Variants in MKI67 observed in about 807,000 individuals in gnomAD.
MKI67 encodes proliferation marker protein Ki-67.
MKI67 carries 152 observed loss-of-function variants against 233.5 expected under a neutral mutation model. The ratio of observed to expected loss-of-function variants is 0.65; its 90% CI spans 0.57 to 0.74. The LOEUF is 0.74. Ranked by LOEUF, MKI67 falls within the 30% of genes least tolerant of loss-of-function variation. The pLI, the probability that MKI67 is intolerant of heterozygous loss-of-function variation, is 0.00. For synonymous variants in MKI67, 1,465 were observed against 1,418.5 expected, an observed-to-expected ratio of 1.03 and a Z score of -0.74; for missense variants, 3,940 against 3,885.2, an observed-to-expected ratio of 1.01 and a Z score of -0.37.
chr10:128,110,486 T>C lies in MKI67; in HGVS notation c.2308A>G (p.Thr770Ala), dbSNP rs770139551. ...KTPVKEQPQL[T>A]STCHIAISNS... Reference sequence around the variant, plus strand: ...GAAATAGCGATGTGACATGTGCTTGTCAACTGCGGTTGCTCCTTCACTGGG... The same window carrying C: ...GAAATAGCGATGTGACATGTGCTTGCCAACTGCGGTTGCTCCTTCACTGGG... The change falls in exon 12 of 15, where the codon ACA (threonine) becomes GCA (alanine). Residue 770 changes from threonine to alanine, a missense_variant. By Grantham distance (58) the Thr-to-Ala change is moderately conservative. Transcript: ENST00000368654. The C allele has an allele frequency of 2.0e-5, 32 of 1,577,188 alleles. No individual in the cohort carries two copies. The highest frequency in any genetic ancestry group is 2.7e-5 in the Non-Finnish European group (31 of 1,151,472).
Position 128,125,873 on chromosome 10 carries a change from G to A in MKI67, c.-89-117C>T. Reference sequence around the variant, plus strand: ...CGCAGCTAGCTAGCGGGGACCCCAGGACGATCCGACCGCAGCCCCCGGCGC... The same window carrying A: ...CGCAGCTAGCTAGCGGGGACCCCAGAACGATCCGACCGCAGCCCCCGGCGC... On this transcript the variant is annotated intron_variant, in intron 1 of 14. Transcript: ENST00000368654. The surrounding 1 kb of genome is among the most constrained non-coding windows in gnomAD (Gnocchi z 5.3). 1.8e-6 allele frequency: 1 copy of A among 570,594 alleles called. No homozygotes were observed. The highest frequency in any genetic ancestry group is 3.1e-6 in the Non-Finnish European group (1 of 320,870). The allele number at this position is 570,594 out of a possible 1,614,324, so 35.3% of individuals were successfully genotyped here.
intron 11 of MKI67, among the ~76,000 whole-genome samples, chr10:128,111,317 G>C (rs1393261369): frequency 3.9e-5 from 6 of 152,204 alleles, no homozygotes; most frequent in Non-Finnish European, 8.8e-5. Flanking sequence ...AACTATTATT[G>C]TACCTGCAGA....
chr10:128,109,321 T>A lies in MKI67; in HGVS notation c.2519A>T (p.Asn840Ile), dbSNP rs1274584619. The A allele has an allele frequency of 6.2e-7, 1 of 1,614,092 alleles. No homozygotes were observed. Among genetic ancestry groups the A allele is most frequent in the Non-Finnish European group, 8.5e-7 (1 of 1,180,056 alleles). The change falls in exon 13 of 15, where the codon AAC (asparagine) becomes ATC (isoleucine). Residue 840 changes from asparagine (N) to isoleucine (I), a missense_variant. By Grantham distance (149) the Asn-to-Ile change is moderately radical (BLOSUM62 -3). Coordinates refer to ENST00000368654, the MANE Select transcript of MKI67 (RefSeq NM_002417.5). Reference protein sequence around the residue: ...LRRQCIRENGNVAKTPRNTYK... With the variant: ...LRRQCIRENGIVAKTPRNTYK... ...GGTGTTCCTGGGCGTTTTTGCTACG[T>A]TTCCATTTTCTCTAATACACTGCCG...
intron 7 of MKI67, 74 bp downstream of exon 7, chr10:128,114,854 A>G: frequency 1.5e-6 from 2 of 1,377,152 alleles, no homozygotes; most frequent in Non-Finnish European, 2.0e-6. Context: ...CACTACTGAA[A>G]GAATGAAGGT....
In MKI67 at chr10:128,102,622, T is replaced by C. The variant is rs765453539; in HGVS notation, c.9218A>G (p.Asn3073Ser). Residue 3073 changes from asparagine (N) to serine (S), a missense_variant, in exon 13 of 15, where the codon AAC (asparagine) becomes AGC (serine). Asn to Ser is a conservative substitution (Grantham distance 46). Transcript: ENST00000368654. ...EELNSNDMKT[N>S]KEEHKLQDSV... ...GTCTTGTAATTTGTGTTCCTCTTTG[T>C]TGGTTTTCATGTCGTTGCTGTTCAG... 1.2e-6 allele frequency: 2 copies of C among 1,614,128 alleles called. No homozygotes were observed. The highest frequency in any genetic ancestry group is 1.3e-5 in the African/African-American group (1 of 74,950).
chr10:128,105,223 C>T lies in MKI67; in HGVS notation c.6617G>A (p.Cys2206Tyr), dbSNP rs1224692954. ...GLKELFQTPI[C>Y]TDKPTTHEKT... is the part of the protein sequence containing the mutation. Reference sequence around the variant, plus strand: ...CTCATGAGTCGTGGGCTTGTCAGTGCATATTGGTGTCTGGAAGAGCTCTTT... The same window carrying T: ...CTCATGAGTCGTGGGCTTGTCAGTGTATATTGGTGTCTGGAAGAGCTCTTT... Residue 2206 changes from cysteine to tyrosine, a missense_variant, in exon 13 of 15, where the codon TGC becomes TAC. Physicochemically the swap from Cys to Tyr is radical, Grantham distance 194. Coordinates refer to ENST00000368654, the MANE Select transcript of MKI67 (RefSeq NM_002417.5). 3.1e-6 allele frequency: 5 copies of T among 1,612,010 alleles called. No homozygotes were observed. The highest frequency in any genetic ancestry group is 4.2e-6 in the Non-Finnish European group (5 of 1,179,434).
At chr10:128,102,182 T>C (rs556770160) in intron 13 of MKI67, among the ~76,000 whole-genome samples, 2 of 152,338 alleles carry the variant, frequency 1.3e-5, no homozygotes, top group African/African-American at 4.8e-5. Flanking sequence ...TACACATTCC[T>C]TATTGATATT....
chr10:128,118,753 C>T (rs1409531971), intron 5 of MKI67, among the ~76,000 whole-genome samples: 2 of 152,230 alleles, frequency 1.3e-5, no homozygotes, highest in African/African-American at 2.4e-5. Context: ...TACACTCAAA[C>T]TATAGGATTC....
At position 128,101,239 on chromosome 10, in the gene MKI67, G is replaced by A. The variant is rs2136123915; in HGVS notation, c.9705+19C>T. The A allele has an allele frequency of 6.3e-7, 1 of 1,595,568 alleles. No individual in the cohort carries two copies. The highest frequency in any genetic ancestry group is 1.1e-5 in the South Asian group (1 of 89,574). On this transcript the variant is annotated intron_variant, in intron 14 of 14. Transcript: ENST00000368654. ...AACATTCTGTGTCTTTTAAAACAGG[G>A]AAACAGTAAATGGCTTACCTTCTTT...
In MKI67 at chr10:128,126,373, A is replaced by G. The variant is rs1853056398; in HGVS notation, c.-364T>C. On this transcript the variant is annotated 5_prime_UTR_variant, in exon 1 of 15. Coordinates refer to ENST00000368654, the MANE Select transcript of MKI67 (RefSeq NM_002417.5). ...GGCTCTAGCGGCTCCCACCGAGTCGAGTCCTCCCGCCCGCCCGCCCGCCCG... is the reference window on the plus strand; with the variant it reads ...GGCTCTAGCGGCTCCCACCGAGTCGGGTCCTCCCGCCCGCCCGCCCGCCCG... 1 of 103,066 alleles carries G rather than the reference A, an allele frequency of 9.7e-6. No homozygotes were observed. The allele number at this position is 103,066 out of a possible 1,614,324, so 6.4% of individuals were successfully genotyped here.
intron 4 of MKI67, among the ~76,000 whole-genome samples, chr10:128,121,379 T>C (rs1345830303): frequency 1.4e-5 from 2 of 143,866 alleles, no homozygotes; most frequent in Middle Eastern, 3.3e-3. Context: ...TTATATATTA[T>C]ATAATATAAA....
In MKI67 at chr10:128,104,718, T is replaced by C; in HGVS notation, c.7122A>G (p.Leu2374=). The change falls in exon 13 of 15, where the codon TTA becomes TTG. Residue 2374 remains leucine, a synonymous_variant. Coordinates refer to ENST00000368654, the MANE Select transcript of MKI67 (RefSeq NM_002417.5). ...LRKADVEEEF[L]ALRKRTPSAG... is the part of the protein sequence containing the mutation. The stretch of plus-strand genomic sequence containing the variant: ...CTGATGGTGTTCGTTTCCTGAGTGC[T>C]AAAAATTCTTCCTCTACGTCTGCTT... The C allele has an allele frequency of 6.2e-7, 1 of 1,614,118 alleles. No individual in the cohort carries two copies. Among genetic ancestry groups the C allele is most frequent in the Non-Finnish European group, 8.5e-7 (1 of 1,180,016 alleles).
chr10:128,109,674 A>G (rs1382364870), intron 12 of MKI67, among the ~76,000 whole-genome samples: 1 of 152,240 alleles, frequency 6.6e-6, no homozygotes, highest in Non-Finnish European at 1.5e-5. Flanking sequence ...AGGTAAAAAT[A>G]CTGCTTCAGA....
At position 128,096,680 on chromosome 10, in the gene MKI67, T is replaced by C. The variant is rs1465834890; in HGVS notation, c.*2510A>G. On this transcript the variant is annotated 3_prime_UTR_variant, in exon 15 of 15. Coordinates refer to ENST00000368654, the MANE Select transcript of MKI67 (RefSeq NM_002417.5). Reference sequence around the variant, plus strand: ...TGGGTTTTAAGACCATTTCATCACATACTTTATTGGACATCTCCTGTGGCT... The same window carrying C: ...TGGGTTTTAAGACCATTTCATCACACACTTTATTGGACATCTCCTGTGGCT... 1 of 152,236 alleles carries C rather than the reference T, an allele frequency of 6.6e-6. No individual in the cohort carries two copies. The highest frequency in any genetic ancestry group is 1.5e-5 in the Non-Finnish European group (1 of 68,046). 9.4% of individuals were successfully genotyped at this position (152,236 alleles called of 1,614,324 possible).
chr10:128,104,541 A>G lies in MKI67; in HGVS notation c.7299T>C (p.Ala2433=). The change falls in exon 13 of 15, where the codon GCT becomes GCC. Residue 2433 remains alanine, a synonymous_variant. Transcript: ENST00000368654. ...CTTTGAAGCCAACCAGGTCCTCTAG[A>G]GCCTCAGCCTTTTCCTTAGGAGTCT... ...QPQTPKEKAE[A]LEDLVGFKEL... is the part of the protein sequence containing the mutation. The G allele has an allele frequency of 1.2e-6, 2 of 1,614,082 alleles. No individual in the cohort carries two copies. The highest frequency in any genetic ancestry group is 4.5e-5 in the East Asian group (2 of 44,880).
At chr10:128,111,622 A>G (rs1231104416) in intron 11 of MKI67, 23 bp downstream of exon 11, 2 of 1,574,964 alleles carry the variant, frequency 1.3e-6, no homozygotes, top group African/African-American at 2.7e-5. Flanking sequence ...AAAGATTTAT[A>G]AGATCTAAGA....
chr10:128,111,376 T>C (rs149278121), intron 11 of MKI67: 116 of 339,878 alleles, frequency 3.4e-4, no homozygotes, highest in East Asian at 3.2e-3. Flanking sequence ...GCTTTCTATG[T>C]ATACGCTGCT....
Position 128,109,070 on chromosome 10 carries a change from C to T in MKI67, c.2770G>A (p.Glu924Lys). 6.2e-7 allele frequency: 1 copy of T among 1,613,924 alleles called. No individual in the cohort carries two copies. The highest frequency in any genetic ancestry group is 8.5e-7 in the Non-Finnish European group (1 of 1,179,944). Residue 924 changes from glutamate to lysine, a missense_variant, in exon 13 of 15, where the codon GAA (glutamate) becomes AAA (lysine). Coordinates refer to ENST00000368654, the MANE Select transcript of MKI67 (RefSeq NM_002417.5). ...LQQRREGEMKEIERPFETYKE... is the reference protein window; with the variant it reads ...LQQRREGEMKKIERPFETYKE... The stretch of plus-strand genomic sequence containing the variant: ...TATGTCTCAAAAGGTCTTTCTATTT[C>T]CTTCATCTCTCCTTCTCTCCTTTGT...
In MKI67 at chr10:128,108,570, T is replaced by A. The variant is rs776462983; in HGVS notation, c.3270A>T (p.Arg1090Ser). The change falls in exon 13 of 15, where the codon AGA becomes AGT. Residue 1090 changes from arginine (R) to serine (S), a missense_variant. Coordinates refer to ENST00000368654, the MANE Select transcript of MKI67 (RefSeq NM_002417.5). ...ARVTGMKKWP[R>S]TPKEEAQSLE... ...GTGACTGGGCCTCTTCCTTAGGCGT[T>A]CTTGGCCACTTCTTCATTCCAGTTA... 6.2e-7 allele frequency: 1 copy of A among 1,614,078 alleles called. No homozygotes were observed. Among genetic ancestry groups the A allele is most frequent in the Non-Finnish European group, 8.5e-7 (1 of 1,180,044 alleles).
Sources: allele counts gnomAD v4.1 joint callset (sites outside exome capture counted in the v4.1 genomes callset), GRCh38; gene constraint gnomAD v4.1.1; non-coding constraint Gnocchi (gnomAD v3.1); transcripts MANE v1.5; gene names NCBI Gene and HGNC (gene_info 2026-07-23, HGNC 2026-07-21).